CYP4X1: variants seen among roughly 807,000 people sequenced by gnomAD.
The protein encoded by CYP4X1 is cytochrome P450 4X1.
Under a neutral mutation model 57.9 loss-of-function variants are expected in CYP4X1, and 44 were observed. The ratio of observed to expected loss-of-function variants is 0.76; its 90% CI spans 0.60 to 0.98. CYP4X1 has a LOEUF of 0.98. CYP4X1 is among the 50% of genes least tolerant of loss of function. CYP4X1 has a pLI of 0.00. For missense variants in CYP4X1, 532 were observed against 623.9 expected, an observed-to-expected ratio of 0.85 and a Z score of 1.57; for synonymous variants, 227 against 228.6, an observed-to-expected ratio of 0.99 and a Z score of 0.06.
At chr1:47,030,698 T>C (rs1569618479) in intron 2 of CYP4X1, among the ~76,000 whole-genome samples, 1 of 152,342 alleles carries the variant, frequency 6.6e-6, no homozygotes, top group African/African-American at 2.4e-5. Context: ...CATAGCATAA[T>C]ACTAAAATGT....
the CYP4X1 span, among the ~76,000 whole-genome samples, chr1:46,970,426 C>T: frequency 6.6e-6 from 1 of 152,176 alleles, no homozygotes; most frequent in Non-Finnish European, 1.5e-5. Flanking sequence ...AAGGACAAAA[C>T]TGAAGATGCC....
chr1:47,011,820 A>C, the CYP4X1 span, among the ~76,000 whole-genome samples: 1 of 152,248 alleles, frequency 6.6e-6, no homozygotes, highest in Admixed American at 6.5e-5. Flanking sequence ...GCTCATCATC[A>C]CTGGCCATCG....
At chr1:46,988,438 C>A in the CYP4X1 span, among the ~76,000 whole-genome samples, 3 of 152,044 alleles carry the variant, frequency 2.0e-5, no homozygotes, top group Non-Finnish European at 2.9e-5. Context: ...GGATTCACAG[C>A]CAAATTCTAC....
the CYP4X1 span, among the ~76,000 whole-genome samples, chr1:46,983,787 G>T: frequency 2.3e-3 from 345 of 152,300 alleles, no homozygotes; most frequent in Non-Finnish European, 3.8e-3. Flanking sequence ...TTACCTCTGG[G>T]AGCTCCAGCC....
chr1:47,011,696 TTAAA>T, the CYP4X1 span, among the ~76,000 whole-genome samples: 1 of 152,138 alleles, frequency 6.6e-6, no homozygotes, highest in Non-Finnish European at 1.5e-5. Context: ...TACAAAGAAC[TTAAA>T]TAAATTTACA....
chr1:47,036,370 T>TTATATATATATATATATATA lies in CYP4X1; in HGVS notation c.775+215_775+216insTATATATATATATATATATA, dbSNP rs58369367. Among the ~76,000 whole-genome samples the TTATATATATATATATATATA allele has an allele frequency of 4.8e-3, 618 of 129,752 alleles. 24 individuals carry two copies. The highest frequency in any genetic ancestry group is 0.03 in the South Asian group (107 of 3,548). The allele number at this position is 129,752 out of a possible 152,430, so 85.1% of individuals were successfully genotyped here. A position where few individuals can be genotyped will look rare whatever the true frequency, so the allele number is the denominator to read the frequency against. The stretch of plus-strand genomic sequence containing the variant: ...AACCATAGCAGTATTATCAGAATTT[T>TTATATATATATATATATATA]TATATATATATATATACACTATTTT... On this transcript the variant is annotated intron_variant, in intron 6 of 11. Transcript: ENST00000371901.
At chr1:47,035,704 G>A in intron 4 of CYP4X1, 102 bp from the exon 5 acceptor site, 2 of 1,492,158 alleles carry the variant, frequency 1.3e-6, no homozygotes, top group South Asian at 1.4e-5. Context: ...GGTCAGGGTT[G>A]TCTCCATTAG....
the CYP4X1 span, among the ~76,000 whole-genome samples, chr1:46,984,846 C>T: frequency 2.0e-5 from 3 of 152,154 alleles, no homozygotes; most frequent in Non-Finnish European, 4.4e-5. Context: ...CCTGAAATGC[C>T]AGTGAGACAG....
At chr1:47,035,725 C>G in intron 4 of CYP4X1, 81 bp from the exon 5 acceptor site, 1 of 1,528,400 alleles carries the variant, frequency 6.5e-7, no homozygotes, top group South Asian at 1.3e-5. Flanking sequence ...ATCATAAAAA[C>G]AGGGCCAGGC....
At chr1:47,054,953 TA>T (rs1161084536), downstream of CYP4X1, among the ~76,000 whole-genome samples, 1 of 152,180 alleles carries the variant, frequency 6.6e-6, no homozygotes, top group African/African-American at 2.4e-5. Flanking sequence ...CTTCCAACAC[TA>T]TGTTGAATAG....
chr1:47,025,921 CTAT>C (rs1644058465), intron 1 of CYP4X1, among the ~76,000 whole-genome samples: 1 of 152,162 alleles, frequency 6.6e-6, no homozygotes, highest in African/African-American at 2.4e-5. Context: ...CTCATGAATA[CTAT>C]GTCGTCTGTT....
chr1:47,022,433 GGC>G (rs1644008670), upstream of CYP4X1, among the ~76,000 whole-genome samples: 1 of 151,964 alleles, frequency 6.6e-6, no homozygotes, highest in Non-Finnish European at 1.5e-5. Context: ...TGGGATTACA[GGC>G]GCGCGCCACC....
intron 2 of CYP4X1, 136 bp from the exon 3 acceptor site, chr1:47,031,300 C>A: frequency 2.0e-6 from 2 of 1,005,512 alleles, no homozygotes; most frequent in East Asian, 4.8e-5. Flanking sequence ...CCAAAGGCAG[C>A]AGGAAGTAAG....
At chr1:47,024,707 A>C (rs957320561) in intron 1 of CYP4X1, among the ~76,000 whole-genome samples, 1 of 152,150 alleles carries the variant, frequency 6.6e-6, no homozygotes. Flanking sequence ...ATTTAAGGCA[A>C]TGGGTGCTTT....
At chr1:46,967,779 G>C in the CYP4X1 span, 1 of 1,355,298 alleles carries the variant, frequency 7.4e-7, no homozygotes, top group Non-Finnish European at 9.8e-7. Flanking sequence ...CCGGGATCCT[G>C]GTGGGATCAG....
the CYP4X1 span, among the ~76,000 whole-genome samples, chr1:46,983,339 T>C: frequency 2.0e-5 from 3 of 152,120 alleles, no homozygotes; most frequent in Non-Finnish European, 2.9e-5. Context: ...GAGCAGGGAA[T>C]TGGGAGCTCA....
At chr1:46,991,624 G>A in the CYP4X1 span, among the ~76,000 whole-genome samples, 80 of 152,294 alleles carry the variant, frequency 5.3e-4, no homozygotes, top group Admixed American at 8.5e-4. Flanking sequence ...GGGAGGGGTA[G>A]GTGAAAATCC....
chr1:46,968,133 A>G, the CYP4X1 span, among the ~76,000 whole-genome samples: 4 of 151,682 alleles, frequency 2.6e-5, no homozygotes, highest in Admixed American at 2.0e-4. Context: ...GGCACTAGAA[A>G]TTTTTCTGAA....
intron 8 of CYP4X1, 178 bp downstream of exon 8, chr1:47,039,710 GA>G (rs3073870): frequency 0.34 from 118,914 of 349,340 alleles, 11,065 homozygotes; most frequent in East Asian, 0.58. Context: ...TGTCTTTCAG[GA>G]AAAAAAAAAA....
Sources: allele counts gnomAD v4.1 joint callset (sites outside exome capture counted in the v4.1 genomes callset), GRCh38; gene constraint gnomAD v4.1.1; transcripts MANE v1.5; gene names NCBI Gene and HGNC (gene_info 2026-07-23, HGNC 2026-07-21).